EPG5: variants seen among roughly 807,000 people sequenced by gnomAD.
EPG5 encodes the protein ectopic P-granules 5 autophagy tethering factor.
Under a neutral mutation model 302.7 loss-of-function variants are expected in EPG5, and 159 were observed. That is an observed-to-expected ratio of 0.53 (90% CI 0.46 to 0.60). The LOEUF (loss-of-function observed/expected upper bound fraction) is 0.60. Ranked by LOEUF, EPG5 falls within the 20% of genes least tolerant of loss-of-function variation. The pLI is 0.00. For synonymous variants in EPG5, 1,158 were observed against 1,136.8 expected (o/e 1.02, Z -0.37); for missense variants, 2,896 against 3,092.4 (o/e 0.94, Z 1.51).
At chr18:45,804,763 T>C in the EPG5 span, among the ~76,000 whole-genome samples, 1 of 152,158 alleles carries the variant, frequency 6.6e-6, no homozygotes, top group Non-Finnish European at 1.5e-5. Flanking sequence ...TGATATCAAA[T>C]GAAAATATGG....
intron 34 of EPG5, 105 bp from the exon 35 acceptor site, chr18:45,876,447 T>C (rs181405984): frequency 2.5e-6 from 2 of 799,158 alleles, no homozygotes; most frequent in African/African-American, 1.7e-5. Flanking sequence ...GTCCATTATG[T>C]AGGCCTGACA....
chr18:45,857,268 C>T (rs918563993), intron 42 of EPG5, among the ~76,000 whole-genome samples: 2 of 152,116 alleles, frequency 1.3e-5, no homozygotes, highest in Non-Finnish European at 2.9e-5. Flanking sequence ...TATCACCATG[C>T]CCGGCTAATT....
intron 8 of EPG5, 48 bp downstream of exon 8, chr18:45,943,957 T>C: frequency 1.6e-6 from 2 of 1,227,316 alleles, no homozygotes; most frequent in Non-Finnish European, 2.4e-6. Flanking sequence ...AGTTCCTGTG[T>C]TTACACTTGC....
At chr18:45,923,482 G>C in intron 14 of EPG5, 95 bp from the exon 15 acceptor site, 1 of 1,313,166 alleles carries the variant, frequency 7.6e-7, no homozygotes. Context: ...AGTAACAAAG[G>C]ATCTTCGATG....
chr18:45,964,964 A>C (rs1173796104), intron 1 of EPG5, among the ~76,000 whole-genome samples: 1 of 152,170 alleles, frequency 6.6e-6, no homozygotes, highest in Admixed American at 6.5e-5. Flanking sequence ...AAAATAAATA[A>C]ATAAAATTCC....
rs576926580 is a variant in EPG5, at chr18:45,949,555, G to C, written c.1426C>G (p.His476Asp). Residue 476 changes from histidine to aspartate, a missense_variant, in exon 5 of 44, where the codon CAC becomes GAC. Physicochemically the swap from His to Asp is moderately conservative, Grantham distance 81 (BLOSUM62 -1). Around this residue, in one of 5 missense-constraint regions of EPG5, gnomAD observed 1,390 missense variants for 1,430.0 expected, o/e 0.97. Transcript: ENST00000282041. Reference protein sequence around the residue: ...VLQRVGCPGDHLFLLNHILRC... With the variant: ...VLQRVGCPGDDLFLLNHILRC... ...AGAATATGGTTTAGAAGGAAGAGGT[G>C]ATCTCCAGGACAGCCAACTCTTTGT... is the stretch of plus-strand genomic sequence containing the variant. The C allele has an allele frequency of 5.6e-6, 9 of 1,613,132 alleles. 1 individual carries two copies. The South Asian group carries it at 9.9e-5, about 18-fold the overall frequency.
chr18:45,818,264 T>G, the EPG5 span, among the ~76,000 whole-genome samples: 34 of 151,660 alleles, frequency 2.2e-4, no homozygotes, highest in Non-Finnish European at 4.7e-4. Flanking sequence ...TTATTTTTTT[T>G]TTTTGTTTTC....
At position 45,874,546 on chromosome 18, in the gene EPG5, A is replaced by G. The variant is rs529795314; in HGVS notation, c.6049+1690T>C. Among the ~76,000 whole-genome samples, 3 of 152,342 alleles carry G rather than the reference A, an allele frequency of 2.0e-5. No individual in the cohort carries two copies. The South Asian group carries it at 6.2e-4, about 32-fold the overall frequency. The stretch of plus-strand genomic sequence containing the variant: ...GTGGAAGATGAAAGGCATGTCTTAC[A>G]TGGCAGCAGGCAAGAGAGAGAATGA... On this transcript the variant is annotated intron_variant, in intron 35 of 43. Transcript: ENST00000282041.
At chr18:45,836,716 G>A in the EPG5 span, among the ~76,000 whole-genome samples, 1 of 152,222 alleles carries the variant, frequency 6.6e-6, no homozygotes, top group African/African-American at 2.4e-5. Context: ...CAGGCACTAG[G>A]GAAGCCAGTC....
At chr18:45,877,177 G>C (rs1215332939) in intron 34 of EPG5, among the ~76,000 whole-genome samples, 1 of 152,082 alleles carries the variant, frequency 6.6e-6, no homozygotes, top group Non-Finnish European at 1.5e-5. Flanking sequence ...TGGGCAGACT[G>C]CTTGAGGTCA....
chr18:45,895,586 T>C (rs1299711474), intron 27 of EPG5, among the ~76,000 whole-genome samples: 1 of 152,142 alleles, frequency 6.6e-6, no homozygotes, highest in Admixed American at 6.5e-5. Flanking sequence ...TAACTAGCAA[T>C]TTAAGGGTTT....
Position 45,848,173 on chromosome 18 carries a change from T to C in EPG5, c.*4294A>G, listed in dbSNP as rs1481697659. 6.6e-6 allele frequency: 1 copy of C among 152,192 alleles called. No homozygotes were observed. The highest frequency in any genetic ancestry group is 1.5e-5 in the Non-Finnish European group (1 of 68,038). The allele number at this position is 152,192 out of a possible 1,614,324, so 9.4% of individuals were successfully genotyped here. On this transcript the variant is annotated 3_prime_UTR_variant, in exon 44 of 44. Coordinates refer to ENST00000282041, the MANE Select transcript of EPG5 (RefSeq NM_020964.3). Reference sequence around the variant, plus strand: ...CAACCCAGACACAAATGGAAGATGGTAGAAGGGGATACTTTCTTTTAATCA... The same window carrying C: ...CAACCCAGACACAAATGGAAGATGGCAGAAGGGGATACTTTCTTTTAATCA...
At position 45,875,688 on chromosome 18, in the gene EPG5, T is replaced by C. The variant is rs189166457; in HGVS notation, c.6049+548A>G. Among the ~76,000 whole-genome samples, 57 of 152,136 alleles carry C rather than the reference T, an allele frequency of 3.7e-4. No homozygotes were observed. In the East Asian group the frequency reaches 0.011, roughly 28 times the overall value. ...ACTCAACATGCAGGACAGGCAATAT[T>C]GGAAGAGAGAAAGACTGCAAATTTA... On this transcript the variant is annotated intron_variant, in intron 35 of 43. Transcript: ENST00000282041.
intron 26 of EPG5, among the ~76,000 whole-genome samples, 180 bp from the exon 27 acceptor site, chr18:45,899,746 T>C (rs1421617672): frequency 6.6e-6 from 1 of 151,976 alleles, no homozygotes; most frequent in Non-Finnish European, 1.5e-5. Context: ...GCAGAGAGGC[T>C]AAAGAGAAAG....
intron 22 of EPG5, among the ~76,000 whole-genome samples, chr18:45,911,002 A>G (rs189286182): frequency 2.0e-5 from 3 of 152,056 alleles, no homozygotes; most frequent in Admixed American, 6.5e-5. Flanking sequence ...GATGGTTTCT[A>G]TTCTTGAAGA....
rs193155964 is a variant in EPG5 at position 45,901,581 on chromosome 18, G to A, written c.4475-414C>T. Among the ~76,000 whole-genome samples, 48 of 152,240 alleles carry A rather than the reference G, an allele frequency of 3.2e-4. No individual in the cohort carries two copies. In the East Asian group the frequency reaches 8.1e-3, roughly 26 times the overall value. ...GGAATAAGCGTTATGGAATATAGCC[G>A]AGTCAAAAATCTGAAATCAGGTCAA... On this transcript the variant is annotated intron_variant, in intron 25 of 43. Coordinates refer to ENST00000282041, the MANE Select transcript of EPG5 (RefSeq NM_020964.3).
At chr18:45,846,255 G>A (rs576874778), downstream of EPG5, among the ~76,000 whole-genome samples, 19 of 152,136 alleles carry the variant, frequency 1.2e-4, no homozygotes, top group South Asian at 1.7e-3. Flanking sequence ...GGTCAGGGGC[G>A]GTGGCTCATA....
chr18:45,914,332 C>T (rs1347130440), intron 20 of EPG5, among the ~76,000 whole-genome samples: 1 of 152,120 alleles, frequency 6.6e-6, no homozygotes, highest in African/African-American at 2.4e-5. Context: ...AGGAAAAGCC[C>T]GGGATGTGTC....
At chr18:45,904,968 G>A (rs568177573) in intron 24 of EPG5, among the ~76,000 whole-genome samples, 16 of 152,292 alleles carry the variant, frequency 1.1e-4, no homozygotes, top group Admixed American at 5.9e-4. Context: ...CATGGCATAT[G>A]TGGGGAGGGG....
Sources: allele counts gnomAD v4.1 joint callset (sites outside exome capture counted in the v4.1 genomes callset), GRCh38; gene constraint gnomAD v4.1.1; regional missense constraint gnomAD v4.1.1; transcripts MANE v1.5; gene names NCBI Gene and HGNC (gene_info 2026-07-23, HGNC 2026-07-21).